TLL1: variants seen among roughly 807,000 people sequenced by gnomAD.
TLL1 encodes the protein tolloid like 1.
Under a neutral mutation model 128.2 loss-of-function variants are expected in TLL1, and 49 were observed. The ratio of observed to expected loss-of-function variants is 0.38; its 90% confidence interval spans 0.30 to 0.48. The LOEUF (loss-of-function observed/expected upper bound fraction) is 0.48, where lower values mean the gene tolerates loss of function less well. TLL1 is among the 20% of genes least tolerant of loss of function. The pLI is 0.96. For missense variants in TLL1, 1,123 were observed against 1,242.0 expected (o/e 0.90, Z 1.44); for synonymous variants, 454 against 418.8 (o/e 1.08, Z -1.03).
chr4:165,892,652 G>T (rs1731480278), intron 1 of TLL1, among the ~76,000 whole-genome samples: 1 of 152,132 alleles, frequency 6.6e-6, no homozygotes, highest in African/African-American at 2.4e-5. Flanking sequence ...AATCAGGAAA[G>T]TGAAAGATCA....
intron 6 of TLL1, among the ~76,000 whole-genome samples, chr4:166,006,779 T>C (rs1737454196): frequency 6.6e-6 from 1 of 151,796 alleles, no homozygotes; most frequent in Non-Finnish European, 1.5e-5. Flanking sequence ...AAAGACAGAC[T>C]AAAACACCTT....
chr4:166,056,179 G>A (rs1427012245), intron 13 of TLL1, among the ~76,000 whole-genome samples: 1 of 151,972 alleles, frequency 6.6e-6, no homozygotes, highest in Non-Finnish European at 1.5e-5. Flanking sequence ...TTACATGTTT[G>A]AAATTTTCTG....
In TLL1 at chr4:165,946,684, AT is replaced by A. The variant is rs377528743; in HGVS notation, c.170-42693del. On this transcript the variant is annotated intron_variant, in intron 1 of 20. Coordinates refer to ENST00000061240, the MANE Select transcript of TLL1 (RefSeq NM_012464.5). Reference sequence around the variant, plus strand: ...AAGGCAGTAATAAAAACAAATGCATATTTTCGTTTCTGAAGTAGGGTGCTTC... The same window carrying A: ...AAGGCAGTAATAAAAACAAATGCATATTTCGTTTCTGAAGTAGGGTGCTTC... 4.3e-3 allele frequency among the ~76,000 whole-genome samples: 653 copies of A among 152,156 alleles called. 7 individuals are homozygous for A. Among genetic ancestry groups the A allele is most frequent in the African/African-American group, 0.015 (616 of 41,520 alleles).
chr4:166,048,253 A>G (rs1003311044), intron 12 of TLL1, among the ~76,000 whole-genome samples: 1 of 151,722 alleles, frequency 6.6e-6, no homozygotes, highest in Non-Finnish European at 1.5e-5. Context: ...AAAAAAAAAA[A>G]AAAAGGCCTA....
rs117686669 is a variant in TLL1 at position 165,923,866 on chromosome 4, C to G, written c.169+49793C>G. ...AACAATATGAGCTCGCTTCATGTCT[C>G]TGTGTCACATTTTGGTAATTCTCAC... On this transcript the variant is annotated intron_variant, in intron 1 of 20. Transcript: ENST00000061240. Among the ~76,000 whole-genome samples the G allele has an allele frequency of 2.3e-3, 351 of 152,276 alleles. 2 individuals carry two copies. The East Asian group carries it at 0.043, about 19-fold the overall frequency.
chr4:165,925,186 T>G (rs1733213751), intron 1 of TLL1, among the ~76,000 whole-genome samples: 1 of 152,210 alleles, frequency 6.6e-6, no homozygotes, highest in African/African-American at 2.4e-5. Context: ...GAAATACATT[T>G]TGTATGGCTA....
chr4:165,921,024 C>T (rs1237748378), intron 1 of TLL1, among the ~76,000 whole-genome samples: 2 of 152,090 alleles, frequency 1.3e-5, no homozygotes, highest in African/African-American at 2.4e-5. Context: ...TTGGGAAGAG[C>T]GTGGAACATG....
intron 2 of TLL1, among the ~76,000 whole-genome samples, chr4:165,992,140 CT>C (rs1044197538): frequency 1.3e-5 from 2 of 151,926 alleles, no homozygotes; most frequent in Non-Finnish European, 2.9e-5. Context: ...GCACTACAGA[CT>C]TTTTTTACAC....
chr4:166,085,306 G>T (rs7694387), intron 18 of TLL1, among the ~76,000 whole-genome samples: 3 of 149,350 alleles, frequency 2.0e-5, no homozygotes, highest in Non-Finnish European at 4.4e-5. Context: ...TAGGACCTCC[G>T]GTACTATACT....
At position 166,103,020 on chromosome 4, in the gene TLL1, A is replaced by T. The variant is rs1378752285; in HGVS notation, c.*2144A>T. On this transcript the variant is annotated 3_prime_UTR_variant, in exon 21 of 21. Transcript: ENST00000061240. ...TAGGAATGTGCACTAGCTCTTTTTA[A>T]ATTCCATGCTACACTTTGAGGACTG... is the stretch of plus-strand genomic sequence containing the variant. 1 of 151,876 alleles carries T rather than the reference A, an allele frequency of 6.6e-6. No individual in the cohort carries two copies. The allele number at this position is 151,876 out of a possible 1,614,324, so 9.4% of individuals were successfully genotyped here. A position where few individuals can be genotyped will look rare whatever the true frequency, so the allele number is the denominator to read the frequency against.
intron 9 of TLL1, among the ~76,000 whole-genome samples, chr4:166,033,423 T>G (rs1285892468): frequency 6.6e-6 from 1 of 152,176 alleles, no homozygotes; most frequent in Non-Finnish European, 1.5e-5. Context: ...TGGAAGAATA[T>G]ATAAGAAAAT....
At chr4:166,065,894 T>C in intron 16 of TLL1, 31 bp downstream of exon 16, 1 of 1,391,626 alleles carries the variant, frequency 7.2e-7, no homozygotes, top group Non-Finnish European at 9.4e-7. Context: ...TATGTGTATA[T>C]TACAGATTTT....
At chr4:166,069,595 C>G (rs1740718214) in intron 16 of TLL1, among the ~76,000 whole-genome samples, 1 of 151,646 alleles carries the variant, frequency 6.6e-6, no homozygotes, top group South Asian at 2.1e-4. Flanking sequence ...TTCAACATAT[C>G]ATTGTCTAAT....
At chr4:166,093,142 C>T (rs1038345653) in intron 19 of TLL1, among the ~76,000 whole-genome samples, 6 of 152,078 alleles carry the variant, frequency 3.9e-5, no homozygotes, top group African/African-American at 1.4e-4. Context: ...AAATAAGACA[C>T]GGAGACAAAG....
intron 16 of TLL1, among the ~76,000 whole-genome samples, chr4:166,069,834 T>C (rs1740730878): frequency 1.3e-5 from 2 of 151,678 alleles, no homozygotes. Context: ...AATTAAGAAG[T>C]CATTGGATTT....
chr4:166,018,286 C>A (rs540944347), intron 8 of TLL1, among the ~76,000 whole-genome samples: 1 of 152,134 alleles, frequency 6.6e-6, no homozygotes, highest in East Asian at 1.9e-4. Context: ...CCGTATATAA[C>A]CATATACATA....
chr4:166,063,415 T>C (rs1028805139), intron 15 of TLL1, among the ~76,000 whole-genome samples: 1 of 152,156 alleles, frequency 6.6e-6, no homozygotes, highest in Admixed American at 6.5e-5. Flanking sequence ...AGTTCAACCA[T>C]TGTGGAAGAC....
At chr4:165,897,322 G>T (rs1237015231) in intron 1 of TLL1, among the ~76,000 whole-genome samples, 2 of 152,046 alleles carry the variant, frequency 1.3e-5, no homozygotes, top group Non-Finnish European at 2.9e-5. Flanking sequence ...CCTGAATGGT[G>T]TTGCTTAGGT....
chr4:165,910,365 CA>C (rs1338510626), intron 1 of TLL1, among the ~76,000 whole-genome samples: 11 of 152,138 alleles, frequency 7.2e-5, no homozygotes, highest in African/African-American at 2.4e-4. Flanking sequence ...GTATGTGCTA[CA>C]TTTTTTTAGT....
Sources: allele counts gnomAD v4.1 joint callset (sites outside exome capture counted in the v4.1 genomes callset), GRCh38; gene constraint gnomAD v4.1.1; transcripts MANE v1.5; gene names NCBI Gene and HGNC (gene_info 2026-07-23, HGNC 2026-07-21).